The following THSD7B variants were observed in gnomAD, a reference collection of about 807,000 sequenced individuals.
The protein encoded by THSD7B is thrombospondin type-1 domain-containing protein 7B.
Under a neutral mutation model 213.6 loss-of-function variants are expected in THSD7B, and 138 were observed. The observed-to-expected ratio is 0.65, with a 90% CI of 0.56 to 0.74. The LOEUF (loss-of-function observed/expected upper bound fraction) is 0.74, where lower values mean the gene tolerates loss of function less well. Ranked by LOEUF, THSD7B falls within the 30% of genes least tolerant of loss-of-function variation. The probability of loss-of-function intolerance (pLI) is 0.00; values close to 1 mark genes in which losing one functional copy is unlikely to be tolerated. For missense variants in THSD7B, 1,931 were observed against 1,991.5 expected (o/e 0.97, Z 0.58); for synonymous variants, 742 against 687.0 (o/e 1.08, Z -1.25).
chr2:137,383,464 C>T (rs1237784041), intron 12 of THSD7B, among the ~76,000 whole-genome samples: 1 of 152,136 alleles, frequency 6.6e-6, no homozygotes, highest in Non-Finnish European at 1.5e-5. Flanking sequence ...ACCTGTGTCT[C>T]CCTTGGCCTT....
At chr2:136,993,328 A>T (rs1685822596) in intron 2 of THSD7B, among the ~76,000 whole-genome samples, 1 of 152,236 alleles carries the variant, frequency 6.6e-6, no homozygotes. Flanking sequence ...TGGAATCTAA[A>T]ATCAGAAACA....
chr2:137,398,959 C>T (rs1049871561), intron 12 of THSD7B, among the ~76,000 whole-genome samples: 12 of 152,266 alleles, frequency 7.9e-5, no homozygotes, highest in East Asian at 1.9e-4. Context: ...TTCTTTGACT[C>T]GGAAAGGGAA....
rs530959365 is a variant in THSD7B, at chr2:137,007,734, T to C, written c.140-48686T>C. The stretch of plus-strand genomic sequence containing the variant: ...TAAGGCATACACAGAAATTAAGGTA[T>C]ACAACAGTAATGTTTCTATAGAGAT... On this transcript the variant is annotated intron_variant, in intron 2 of 27. Coordinates refer to ENST00000409968, the MANE Select transcript of THSD7B (RefSeq NM_001316349.2). Among the ~76,000 whole-genome samples the C allele has an allele frequency of 3.9e-5, 6 of 152,244 alleles. No individual in the cohort carries two copies. In the South Asian group the frequency reaches 8.3e-4, roughly 21 times the overall value.
intron 1 of THSD7B, among the ~76,000 whole-genome samples, chr2:136,881,120 AT>A (rs1683615389): frequency 6.6e-6 from 1 of 152,022 alleles, no homozygotes; most frequent in African/African-American, 2.4e-5. Context: ...TCAAGTCCTA[AT>A]GTTTCCCTAG....
rs71400559 is a variant in THSD7B, at chr2:136,962,403, C to CTTTTTTTTTTTT, written c.139+80100_139+80111dup. Among the ~76,000 whole-genome samples the CTTTTTTTTTTTT allele has an allele frequency of 2.9e-4, 29 of 100,164 alleles. 1 individual carries two copies. Among genetic ancestry groups the CTTTTTTTTTTTT allele is most frequent in the Non-Finnish European group, 5.0e-4 (27 of 53,838 alleles). The allele number at this position is 100,164 out of a possible 152,430, so 65.7% of individuals were successfully genotyped here. On this transcript the variant is annotated intron_variant, in intron 2 of 27. Coordinates refer to ENST00000409968, the MANE Select transcript of THSD7B (RefSeq NM_001316349.2). ...AACACACTATACATAAATCTGTTATCTTTTTTTTTTTTTTTTTTTTTTTTT... is the reference window on the plus strand; with the variant it reads ...AACACACTATACATAAATCTGTTATCTTTTTTTTTTTTTTTTTTTTTTTTTTTTTTTTTTTTT...
intron 20 of THSD7B, among the ~76,000 whole-genome samples, chr2:137,640,427 C>A (rs1163073695): frequency 6.6e-6 from 1 of 152,130 alleles, no homozygotes; most frequent in Admixed American, 6.5e-5. Context: ...ATTAATACAA[C>A]CACCATCTAA....
intron 2 of THSD7B, among the ~76,000 whole-genome samples, chr2:137,030,966 G>A (rs1051587953): frequency 6.6e-6 from 1 of 152,172 alleles, no homozygotes; most frequent in African/African-American, 2.4e-5. Flanking sequence ...TAAACCACTA[G>A]GTTGTAGTTC....
intron 2 of THSD7B, among the ~76,000 whole-genome samples, chr2:136,936,249 G>T (rs1472230078): frequency 6.6e-6 from 1 of 152,038 alleles, no homozygotes; most frequent in African/African-American, 2.4e-5. Context: ...AACCACTATG[G>T]AAAACGGTGT....
At chr2:137,092,671 G>A (rs531067891) in intron 3 of THSD7B, among the ~76,000 whole-genome samples, 70 of 152,130 alleles carry the variant, frequency 4.6e-4, no homozygotes, top group Admixed American at 1.2e-3. Flanking sequence ...GACTTTGCCC[G>A]TCACCCAGGC....
chr2:137,179,012 T>C (rs901013508), intron 7 of THSD7B, among the ~76,000 whole-genome samples: 2 of 152,220 alleles, frequency 1.3e-5, no homozygotes, highest in African/African-American at 4.8e-5. Context: ...GTGTCTCTCA[T>C]AGGAGTGCTG....
chr2:137,432,252 G>A (rs989348373), intron 14 of THSD7B, among the ~76,000 whole-genome samples: 1 of 152,114 alleles, frequency 6.6e-6, no homozygotes, highest in Admixed American at 6.5e-5. Flanking sequence ...TTAGCTGGGC[G>A]TGGCAGTGTC....
intron 4 of THSD7B, among the ~76,000 whole-genome samples, chr2:137,097,818 C>T (rs546405641): frequency 4.3e-5 from 6 of 140,390 alleles, no homozygotes; most frequent in Non-Finnish European, 7.9e-5. Context: ...ACCTTTAAAA[C>T]GGTGAAGCTG....
intron 2 of THSD7B, among the ~76,000 whole-genome samples, chr2:136,907,862 A>G (rs2105019787): frequency 6.6e-6 from 1 of 152,308 alleles, no homozygotes; most frequent in African/African-American, 2.4e-5. Context: ...AATAAATGTC[A>G]CCAACATTAA....
rs150052237 is a variant in THSD7B, at chr2:136,834,298, C to T, written c.-35-47846C>T. 2.6e-3 allele frequency among the ~76,000 whole-genome samples: 397 copies of T among 152,334 alleles called. 6 individuals carry two copies. In the East Asian group the frequency reaches 0.034, roughly 13 times the overall value. On this transcript the variant is annotated intron_variant, in intron 1 of 27. Coordinates refer to ENST00000409968, the MANE Select transcript of THSD7B (RefSeq NM_001316349.2). ...CAGTCTTTCTGCCATAGAACACACT[C>T]ACAGCCACAGTGGCTATGGTCCTTT...
chr2:136,957,122 CAG>C (rs1491583900), intron 2 of THSD7B, among the ~76,000 whole-genome samples: 5 of 152,300 alleles, frequency 3.3e-5, no homozygotes, highest in Middle Eastern at 6.8e-3. Flanking sequence ...CTCCTAGTCT[CAG>C]GGGGGAGCAT....
intron 7 of THSD7B, among the ~76,000 whole-genome samples, chr2:137,174,755 G>T (rs575166796): frequency 6.6e-6 from 1 of 152,126 alleles, no homozygotes; most frequent in South Asian, 2.1e-4. Context: ...CTGATTGATG[G>T]AATAGCTTTG....
At chr2:137,269,398 C>A (rs1019483278) in intron 10 of THSD7B, among the ~76,000 whole-genome samples, 1 of 152,198 alleles carries the variant, frequency 6.6e-6, no homozygotes, top group Non-Finnish European at 1.5e-5. Context: ...GGTGTGTGCA[C>A]GTGTGTGCAT....
intron 3 of THSD7B, among the ~76,000 whole-genome samples, chr2:137,071,711 G>T (rs1687492474): frequency 6.6e-6 from 1 of 152,160 alleles, no homozygotes; most frequent in African/African-American, 2.4e-5. Flanking sequence ...GTATTGCCTA[G>T]GTTTTCTTCT....
At chr2:137,385,164 G>A (rs16838858) in intron 12 of THSD7B, among the ~76,000 whole-genome samples, 13 of 152,172 alleles carry the variant, frequency 8.5e-5, no homozygotes, top group South Asian at 4.1e-4. Context: ...AAAAGAGACC[G>A]CACCTTTACC....
Sources: allele counts gnomAD v4.1 joint callset (sites outside exome capture counted in the v4.1 genomes callset), GRCh38; gene constraint gnomAD v4.1.1; transcripts MANE v1.5; gene names NCBI Gene and HGNC (gene_info 2026-07-23, HGNC 2026-07-21).